The following PRAG1 variants were observed in gnomAD, a reference collection of about 807,000 sequenced individuals.
PRAG1 encodes the protein inactive tyrosine-protein kinase PRAG1.
PRAG1 carries 110 observed loss-of-function variants against 95.6 expected under a neutral mutation model. The ratio of observed to expected loss-of-function variants is 1.15; its 90% CI spans 0.99 to 1.35. PRAG1 has a LOEUF of 1.35. PRAG1 is among the 40% of genes most tolerant of loss of function. PRAG1 has a pLI of 0.00. For missense variants in PRAG1, 2,554 were observed against 1,864.7 expected (o/e 1.37, Z -6.81); for synonymous variants, 1,052 against 819.4 (o/e 1.28, Z -4.85).
intron 3 of PRAG1, among the ~76,000 whole-genome samples, chr8:8,362,637 C>T (rs140984746): frequency 6.6e-6 from 1 of 152,286 alleles, no homozygotes; most frequent in African/African-American, 2.4e-5. Context: ...ATGCTTATTC[C>T]TCGGTGCCAC....
chr8:8,356,199 C>G lies in PRAG1; in HGVS notation c.2163-16564G>C, dbSNP rs1799676209. ...TTCAACATCACTAATCAGGGAAATG[C>G]AAATTTAAACCACTGTGAGATATCA... On this transcript the variant is annotated intron_variant, in intron 3 of 5. Coordinates refer to ENST00000615670, the MANE Select transcript of PRAG1 (RefSeq NM_001080826.3). 2.0e-5 allele frequency among the ~76,000 whole-genome samples: 3 copies of G among 152,096 alleles called. No homozygotes were observed. The East Asian group carries it at 5.8e-4, about 29-fold the overall frequency.
intron 4 of PRAG1, among the ~76,000 whole-genome samples, chr8:8,334,355 T>C (rs1278938914): frequency 6.6e-6 from 1 of 151,566 alleles, no homozygotes; most frequent in African/African-American, 2.4e-5. Context: ...AATAACCACT[T>C]GAGCCTGGAA....
rs1290420013 is a variant in PRAG1 at position 8,377,830 on chromosome 8, G to A, written c.579C>T (p.Pro193=). 5 of 1,614,132 alleles carry A rather than the reference G, an allele frequency of 3.1e-6. No individual in the cohort carries two copies. Among genetic ancestry groups the A allele is most frequent in the Non-Finnish European group, 4.2e-6 (5 of 1,180,016 alleles). The part of the protein sequence containing the change: ...PEEKAVHKEK[P]SFPYQDRPST... ...AGGGCCGGTCTTGGTAAGGAAATGA[G>A]GGTTTTTCTTTGTGCACAGCCTTCT... is the stretch of plus-strand genomic sequence containing the variant. Residue 193 remains proline, a synonymous_variant, in exon 3 of 6, where the codon CCC becomes CCT. Coordinates refer to ENST00000615670, the MANE Select transcript of PRAG1 (RefSeq NM_001080826.3).
rs141336906 is a variant in PRAG1 at position 8,334,387 on chromosome 8, G to A, written c.2320+5091C>T. ...GGAAGTGGAGGTTGCAATGAGCTGAGACTGCACCACTGCACTCCAGCCTTG... is the reference window on the plus strand; with the variant it reads ...GGAAGTGGAGGTTGCAATGAGCTGAAACTGCACCACTGCACTCCAGCCTTG... On this transcript the variant is annotated intron_variant, in intron 4 of 5. Transcript: ENST00000615670. Among the ~76,000 whole-genome samples the A allele has an allele frequency of 3.7e-3, 556 of 150,756 alleles. 2 individuals carry two copies. The highest frequency in any genetic ancestry group is 5.1e-3 in the Non-Finnish European group (348 of 67,922).
intron 3 of PRAG1, among the ~76,000 whole-genome samples, chr8:8,356,634 C>T (rs892801452): frequency 3.9e-5 from 6 of 152,102 alleles, no homozygotes; most frequent in Non-Finnish European, 7.4e-5. Context: ...AGGCTTGAAC[C>T]ACCACGACTG....
At chr8:8,351,039 C>T (rs909668325) in intron 3 of PRAG1, among the ~76,000 whole-genome samples, 5 of 152,102 alleles carry the variant, frequency 3.3e-5, no homozygotes, top group African/African-American at 1.2e-4. Context: ...TTAGTTAGTT[C>T]TCTATTGCTA....
intron 3 of PRAG1, among the ~76,000 whole-genome samples, chr8:8,369,865 A>G (rs1012852894): frequency 7.2e-5 from 11 of 152,130 alleles, no homozygotes; most frequent in African/African-American, 2.4e-4. Flanking sequence ...AGGTCCTATA[A>G]GAACCTGTCT....
chr8:8,352,995 G>A (rs1019749963), intron 3 of PRAG1, among the ~76,000 whole-genome samples: 1 of 152,138 alleles, frequency 6.6e-6, no homozygotes, highest in African/African-American at 2.4e-5. Context: ...TAATAATAAA[G>A]GGGGTGATTT....
intron 5 of PRAG1, among the ~76,000 whole-genome samples, chr8:8,320,272 C>G (rs1798432027): frequency 6.6e-6 from 1 of 152,096 alleles, no homozygotes. Flanking sequence ...AAGAAGGAAC[C>G]AGAAGGAACC....
intron 1 of PRAG1, among the ~76,000 whole-genome samples, chr8:8,384,708 GTGGCACCCACAAAGCCT>G (rs1800794894): frequency 6.6e-6 from 1 of 150,962 alleles, no homozygotes; most frequent in Non-Finnish European, 1.5e-5. Flanking sequence ...AGAAACACAA[GTGGCACCCACAAAGCCT>G]TGCCTCGCCT....
intron 4 of PRAG1, among the ~76,000 whole-genome samples, chr8:8,331,099 C>T (rs1260192616): frequency 6.6e-6 from 1 of 152,164 alleles, no homozygotes; most frequent in Non-Finnish European, 1.5e-5. Context: ...GGGGTGTGAT[C>T]AGAACCCTGG....
At chr8:8,374,659 G>A (rs912572040) in intron 3 of PRAG1, 3 of 985,230 alleles carry the variant, frequency 3.0e-6, no homozygotes, top group South Asian at 9.4e-5. Flanking sequence ...CTTAGCTGCT[G>A]AATCTCTCAT....
At chr8:8,352,057 T>A (rs1047629700) in intron 3 of PRAG1, among the ~76,000 whole-genome samples, 1 of 152,182 alleles carries the variant, frequency 6.6e-6, no homozygotes, top group Non-Finnish European at 1.5e-5. Flanking sequence ...CAGACCCTAA[T>A]TTTCTTGATT....
Position 8,318,001 on chromosome 8 carries a change from G to A in PRAG1, c.*153C>T, listed in dbSNP as rs1008817612. 1 of 529,600 alleles carries A rather than the reference G, an allele frequency of 1.9e-6. No individual in the cohort carries two copies. Among genetic ancestry groups the A allele is most frequent in the East Asian group, 3.5e-5 (1 of 28,620 alleles). 32.8% of individuals were successfully genotyped at this position (529,600 alleles called of 1,614,324 possible). Reference sequence around the variant, plus strand: ...CCTTAGTCTTTCATATTTATATATGGTATATGTATTTTCTATATATATATT... The same window carrying A: ...CCTTAGTCTTTCATATTTATATATGATATATGTATTTTCTATATATATATT... On this transcript the variant is annotated 3_prime_UTR_variant, in exon 6 of 6. Transcript: ENST00000615670. This position sits in a 1 kb window ranked among gnomAD's most constrained non-coding sequence, Gnocchi z 4.2.
Position 8,381,588 on chromosome 8 carries a change from G to C in PRAG1, c.160C>G (p.Leu54Val), listed in dbSNP as rs1430929626. The C allele has an allele frequency of 5.6e-6, 9 of 1,614,132 alleles. No individual in the cohort carries two copies. The highest frequency in any genetic ancestry group is 7.6e-6 in the Non-Finnish European group (9 of 1,179,994). ...AGPPQPRAGS[L>V]PPPPRLPPRP... is the part of the protein sequence containing the mutation. ...GGAGGCAGGCGCGGTGGAGGGGGCA[G>C]GCTGCCCGCTCTGGGCTGGGGAGGG... The change falls in exon 2 of 6, where the codon CTG becomes GTG. Residue 54 changes from leucine to valine, a missense_variant. Coordinates refer to ENST00000615670, the MANE Select transcript of PRAG1 (RefSeq NM_001080826.3).
intron 3 of PRAG1, among the ~76,000 whole-genome samples, chr8:8,363,045 A>T (rs1799891974): frequency 6.7e-6 from 1 of 148,812 alleles, no homozygotes; most frequent in Non-Finnish European, 1.5e-5. Context: ...AAGTATAAAG[A>T]TATATATATA....
At chr8:8,350,677 A>G (rs1404157097) in intron 3 of PRAG1, among the ~76,000 whole-genome samples, 1 of 152,180 alleles carries the variant, frequency 6.6e-6, no homozygotes, top group Non-Finnish European at 1.5e-5. Flanking sequence ...GGTTAAGAGC[A>G]TGAACACTGG....
At chr8:8,335,331 G>A (rs1237323016) in intron 4 of PRAG1, among the ~76,000 whole-genome samples, 2 of 152,064 alleles carry the variant, frequency 1.3e-5, no homozygotes, top group Non-Finnish European at 2.9e-5. Flanking sequence ...AAAATAAGCA[G>A]CAATTTCAAA....
chr8:8,364,732 A>G (rs1455945073), intron 3 of PRAG1, among the ~76,000 whole-genome samples: 3 of 151,730 alleles, frequency 2.0e-5, no homozygotes, highest in Non-Finnish European at 4.4e-5. Context: ...AGCAATCTGT[A>G]CTTTTCCTAC....
Sources: gnomAD v4.1 joint callset for allele counts (sites outside exome capture counted in the v4.1 genomes callset) on GRCh38, gnomAD v4.1.1 for gene constraint, Gnocchi (gnomAD v3.1) non-coding constraint, MANE v1.5 for transcripts, NCBI Gene and HGNC (gene_info 2026-07-23, HGNC 2026-07-21) for gene names.